SORCS3: variants seen among roughly 807,000 people sequenced by gnomAD.
SORCS3 encodes the protein sortilin related VPS10 domain containing receptor 3.
A neutral mutation model predicts 146.3 loss-of-function variants in SORCS3; 57 were observed. That is an observed-to-expected ratio of 0.39 (90% CI 0.31 to 0.49). The LOEUF (loss-of-function observed/expected upper bound fraction) is 0.49, where lower values mean the gene tolerates loss of function less well. SORCS3 is among the 20% of genes least tolerant of loss of function. SORCS3 has a pLI of 0.92. For missense variants in SORCS3, 1,341 were observed against 1,575.5 expected, an observed-to-expected ratio of 0.85 and a Z score of 2.52; for synonymous variants, 653 against 618.5, an observed-to-expected ratio of 1.06 and a Z score of -0.83.
intron 3 of SORCS3, among the ~76,000 whole-genome samples, chr10:104,959,497 G>T (rs1457409194): frequency 6.6e-6 from 1 of 152,138 alleles, no homozygotes; most frequent in Non-Finnish European, 1.5e-5. Context: ...GAATCTGCCA[G>T]TGCCTTGGTA....
intron 1 of SORCS3, among the ~76,000 whole-genome samples, chr10:104,674,383 A>G (rs1156573294): frequency 6.6e-6 from 1 of 152,238 alleles, no homozygotes; most frequent in Non-Finnish European, 1.5e-5. Context: ...TTCTGAGATT[A>G]GGTTACAAAA....
rs2055993933 is a variant in SORCS3 at position 105,128,723 on chromosome 10, A to G, written c.1213-10674A>G. On this transcript the variant is annotated intron_variant, in intron 7 of 26. Transcript: ENST00000369701. ...GCAAATTTCAGTGCCCCACGCAATC[A>G]TTAGGATGGGAATTTATGGATCAAC... Among the ~76,000 whole-genome samples the G allele has an allele frequency of 3.3e-5, 5 of 152,152 alleles. No homozygotes were observed. In the South Asian group the frequency reaches 1.0e-3, roughly 32 times the overall value.
chr10:105,034,403 G>A (rs1202403074), intron 4 of SORCS3, among the ~76,000 whole-genome samples: 1 of 152,150 alleles, frequency 6.6e-6, no homozygotes. Context: ...GCTGGAACTT[G>A]GAAGATAAGT....
At chr10:104,650,003 C>A (rs1310579045) in intron 1 of SORCS3, among the ~76,000 whole-genome samples, 1 of 152,160 alleles carries the variant, frequency 6.6e-6, no homozygotes, top group African/African-American at 2.4e-5. Context: ...CCCATTGTGC[C>A]AAAGACTCAT....
chr10:104,838,124 C>T (rs1323043814), intron 1 of SORCS3, among the ~76,000 whole-genome samples: 1 of 152,168 alleles, frequency 6.6e-6, no homozygotes, highest in Non-Finnish European at 1.5e-5. Context: ...TTAATGTTAG[C>T]TCCTGCTTAT....
chr10:105,056,074 T>A (rs2055443861), intron 5 of SORCS3, among the ~76,000 whole-genome samples: 1 of 152,148 alleles, frequency 6.6e-6, no homozygotes, highest in Admixed American at 6.5e-5. Flanking sequence ...AGAAAAGGGT[T>A]CCTGGAGGAG....
intron 1 of SORCS3, among the ~76,000 whole-genome samples, chr10:104,744,222 A>G (rs2016882265): frequency 6.6e-6 from 1 of 152,188 alleles, no homozygotes; most frequent in African/African-American, 2.4e-5. Context: ...AGCTGCTTAA[A>G]AAACAATAAT....
chr10:104,955,915 T>G (rs188002345), intron 3 of SORCS3, among the ~76,000 whole-genome samples: 94 of 152,298 alleles, frequency 6.2e-4, no homozygotes, highest in African/African-American at 2.2e-3. Flanking sequence ...ACAGTTTTGC[T>G]GTAACTTAAG....
intron 14 of SORCS3, among the ~76,000 whole-genome samples, chr10:105,189,556 A>G (rs2056500142): frequency 1.3e-5 from 2 of 152,086 alleles, no homozygotes; most frequent in African/African-American, 4.8e-5. Context: ...TTCCTAGTTA[A>G]CTGCAGTCCT....
At chr10:104,671,849 T>A (rs139631829) in intron 1 of SORCS3, among the ~76,000 whole-genome samples, 164 of 152,314 alleles carry the variant, frequency 1.1e-3, no homozygotes, top group Middle Eastern at 3.4e-3. Flanking sequence ...ATAATCCTGC[T>A]AAGATGCTGC....
At chr10:104,717,674 C>G (rs778214129) in intron 1 of SORCS3, among the ~76,000 whole-genome samples, 27 of 152,064 alleles carry the variant, frequency 1.8e-4, no homozygotes, top group Admixed American at 3.3e-4. Flanking sequence ...GATAGTCACA[C>G]CATCCAAGGA....
At chr10:105,176,531 C>A (rs184890797) in intron 13 of SORCS3, among the ~76,000 whole-genome samples, 1 of 151,848 alleles carries the variant, frequency 6.6e-6, no homozygotes, top group African/African-American at 2.4e-5. Flanking sequence ...CCAGCCTGAG[C>A]AACAGAGTGA....
chr10:105,202,553 C>T (rs531211382), intron 16 of SORCS3, among the ~76,000 whole-genome samples: 28 of 152,104 alleles, frequency 1.8e-4, no homozygotes, highest in Non-Finnish European at 3.8e-4. Flanking sequence ...TTTATTATCT[C>T]CTTAGTATTA....
Position 104,977,368 on chromosome 10 carries a change from A to C in SORCS3, c.829A>C (p.Ser277Arg). ...TCTCAGTGATCCTGAGATGGAGAGC[A>C]GCATATTGATCAGCTCAGACGAAGG... is the stretch of plus-strand genomic sequence containing the variant. ...MLLSDPEMES[S>R]ILISSDEGAT... Residue 277 changes from serine (S) to arginine (R), a missense_variant, in exon 4 of 27, where the codon AGC (serine) becomes CGC (arginine). Coordinates refer to ENST00000369701, the MANE Select transcript of SORCS3 (RefSeq NM_014978.3). 1 of 1,613,638 alleles carries C rather than the reference A, an allele frequency of 6.2e-7. No homozygotes were observed.
At position 104,751,963 on chromosome 10, in the gene SORCS3, ATAT is replaced by A. The variant is rs1564675448; in HGVS notation, c.628-90828_628-90826del. 1.6e-3 allele frequency among the ~76,000 whole-genome samples: 169 copies of A among 106,504 alleles called. 2 individuals carry two copies. The highest frequency in any genetic ancestry group is 3.6e-3 in the African/African-American group (83 of 23,042). The allele number at this position is 106,504 out of a possible 152,430, so 69.9% of individuals were successfully genotyped here. ...TATATATATATATATATATATATAT[ATAT>A]ATAATAGTTTAGCAGCAGGAATGAG... On this transcript the variant is annotated intron_variant, in intron 1 of 26. Coordinates refer to ENST00000369701, the MANE Select transcript of SORCS3 (RefSeq NM_014978.3).
chr10:105,103,870 G>T (rs2055803411), intron 6 of SORCS3, among the ~76,000 whole-genome samples: 1 of 152,136 alleles, frequency 6.6e-6, no homozygotes, highest in Non-Finnish European at 1.5e-5. Flanking sequence ...ATTAATATGT[G>T]TAGTAACTAG....
intron 1 of SORCS3, among the ~76,000 whole-genome samples, chr10:104,737,863 T>C (rs2016793732): frequency 6.7e-6 from 1 of 149,464 alleles, no homozygotes; most frequent in Non-Finnish European, 1.5e-5. Context: ...GCCTATGTCC[T>C]GAATGGTAAT....
intron 17 of SORCS3, among the ~76,000 whole-genome samples, chr10:105,212,952 G>A (rs1419417065): frequency 1.3e-5 from 2 of 152,078 alleles, no homozygotes; most frequent in Non-Finnish European, 2.9e-5. Flanking sequence ...TTTTCTAGTA[G>A]CCACATTAAA....
chr10:104,872,435 A>G (rs1245091187), intron 2 of SORCS3, among the ~76,000 whole-genome samples: 1 of 152,156 alleles, frequency 6.6e-6, no homozygotes, highest in Non-Finnish European at 1.5e-5. Flanking sequence ...ACTCAGTCTC[A>G]ATGTGAGTGT....
Sources: allele counts gnomAD v4.1 joint callset (sites outside exome capture counted in the v4.1 genomes callset), GRCh38; gene constraint gnomAD v4.1.1; transcripts MANE v1.5; gene names NCBI Gene and HGNC (gene_info 2026-07-23, HGNC 2026-07-21).